ZNF420: variants seen among roughly 807,000 people sequenced by gnomAD.
ZNF420 encodes ATM and p53-associated KZNF protein.
ZNF420 carries 31 observed loss-of-function variants against 44.7 expected under a neutral mutation model. That is an observed-to-expected ratio of 0.69 (90% CI 0.52 to 0.94). The LOEUF (loss-of-function observed/expected upper bound fraction) is 0.94, where lower values mean the gene tolerates loss of function less well. Among genes scored for constraint, ZNF420 ranks in the 40% least tolerant of loss-of-function variants. ZNF420 has a pLI of 0.00. For synonymous variants in ZNF420, 245 were observed against 267.4 expected, an observed-to-expected ratio of 0.92 and a Z score of 0.82; for missense variants, 681 against 827.9, an observed-to-expected ratio of 0.82 and a Z score of 2.18.
chr19:37,075,399 T>C (rs1599634422), upstream of ZNF420, among the ~76,000 whole-genome samples: 1 of 152,150 alleles, frequency 6.6e-6, no homozygotes. Context: ...CTATTGACTT[T>C]TATATTTTAA....
intron 1 of ZNF420, among the ~76,000 whole-genome samples, chr19:37,068,052 C>T (rs1041321148): frequency 2.6e-5 from 4 of 151,550 alleles, no homozygotes; most frequent in African/African-American, 9.7e-5. Flanking sequence ...GATATATAAC[C>T]AGATTATACC....
chr19:37,047,349 CCTT>C (rs1200506276), intron 1 of ZNF420, among the ~76,000 whole-genome samples: 1 of 152,170 alleles, frequency 6.6e-6, no homozygotes, highest in Non-Finnish European at 1.5e-5. Flanking sequence ...TGCCCTTCCT[CCTT>C]CTGCCATGTG....
chr19:37,068,097 T>C (rs1967999342), intron 1 of ZNF420, among the ~76,000 whole-genome samples: 2 of 152,152 alleles, frequency 1.3e-5, no homozygotes. Context: ...GAAACAATGC[T>C]TGGTGCTAAA....
At chr19:37,099,530 T>C (rs571113788) in intron 4 of ZNF420, among the ~76,000 whole-genome samples, 7 of 152,214 alleles carry the variant, frequency 4.6e-5, no homozygotes, top group Non-Finnish European at 5.9e-5. Flanking sequence ...TTATTTGTTT[T>C]TTTGCTGTTG....
At chr19:37,020,454 CTT>C (rs961923216) in intron 1 of ZNF420, among the ~76,000 whole-genome samples, 1 of 152,142 alleles carries the variant, frequency 6.6e-6, no homozygotes, top group Non-Finnish European at 1.5e-5. Context: ...TCCCTAAACC[CTT>C]AAATATCCTT....
intron 1 of ZNF420, among the ~76,000 whole-genome samples, chr19:37,041,225 C>T (rs1247253246): frequency 2.6e-5 from 4 of 151,264 alleles, no homozygotes; most frequent in South Asian, 2.1e-4. Flanking sequence ...GCAGGAGAAT[C>T]GCTTGAATCC....
intron 4 of ZNF420, among the ~76,000 whole-genome samples, chr19:37,117,847 A>G (rs922718553): frequency 4.6e-5 from 7 of 152,346 alleles, no homozygotes; most frequent in East Asian, 3.9e-4. Flanking sequence ...AGGAGCCGAC[A>G]CGATCAACTG....
At chr19:37,012,796 GTGTGTGTGTGTGTGTGTC>G (rs2074581418) in intron 1 of ZNF420, among the ~76,000 whole-genome samples, 2 of 148,078 alleles carry the variant, frequency 1.4e-5, no homozygotes, top group African/African-American at 4.9e-5. Flanking sequence ...GTGTGTGTGT[GTGTGTGTGTGTGTGTGTC>G]TCCCATTCTC....
chr19:37,008,488 C>T (rs1383998339), intron 1 of ZNF420, among the ~76,000 whole-genome samples: 3 of 152,154 alleles, frequency 2.0e-5, no homozygotes, highest in Non-Finnish European at 2.9e-5. Flanking sequence ...GGCAGCTTTT[C>T]TAGGATCAAG....
At chr19:37,064,883 A>G (rs187630159) in intron 1 of ZNF420, among the ~76,000 whole-genome samples, 75 of 152,322 alleles carry the variant, frequency 4.9e-4, no homozygotes, top group African/African-American at 1.4e-3. Context: ...GCGGAGTCAA[A>G]GGATTGAGAA....
chr19:37,058,962 G>A (rs1000264723), intron 1 of ZNF420, among the ~76,000 whole-genome samples: 1 of 152,170 alleles, frequency 6.6e-6, no homozygotes, highest in Non-Finnish European at 1.5e-5. Flanking sequence ...GTGGGTCAGC[G>A]AATTTTCAGC....
chr19:37,105,642 C>T lies in ZNF420; in HGVS notation c.136+14521C>T, dbSNP rs146115978. 5.3e-5 allele frequency among the ~76,000 whole-genome samples: 8 copies of T among 152,018 alleles called. No individual in the cohort carries two copies. In the South Asian group the frequency reaches 6.2e-4, roughly 12 times the overall value. On this transcript the variant is annotated intron_variant, in intron 4 of 4. Coordinates refer to ENST00000337995, the MANE Select transcript of ZNF420 (RefSeq NM_144689.5). The stretch of plus-strand genomic sequence containing the variant: ...TCATTGATTCAGTATGGCCATTTTA[C>T]GATATTGATTCTTCCTATCCATGAG...
At chr19:37,011,359 T>C (rs2074567642) in intron 1 of ZNF420, among the ~76,000 whole-genome samples, 1 of 152,206 alleles carries the variant, frequency 6.6e-6, no homozygotes. Flanking sequence ...TGGCCTTGGC[T>C]TCTAGGAAAG....
intron 1 of ZNF420, among the ~76,000 whole-genome samples, chr19:37,069,263 C>T (rs1321052406): frequency 6.6e-6 from 1 of 152,036 alleles, no homozygotes; most frequent in South Asian, 2.1e-4. Flanking sequence ...TCACTGCCCA[C>T]AAAAGTAGCT....
chr19:37,051,699 T>C (rs56306715), intron 1 of ZNF420, among the ~76,000 whole-genome samples: 49,454 of 151,956 alleles, frequency 0.33, 8,274 homozygotes, highest in Non-Finnish European at 0.35. Context: ...TTTTGAAGGG[T>C]TTTTTGTGTC....
intron 1 of ZNF420, among the ~76,000 whole-genome samples, chr19:37,021,189 A>G (rs754836179): frequency 6.6e-6 from 1 of 152,234 alleles, no homozygotes; most frequent in Non-Finnish European, 1.5e-5. Context: ...TGACTATTCA[A>G]CTCTATTATA....
intron 1 of ZNF420, among the ~76,000 whole-genome samples, chr19:37,022,875 C>T (rs140122925): frequency 4.1e-4 from 62 of 152,246 alleles, no homozygotes; most frequent in African/African-American, 1.4e-3. Context: ...CGGTGGCTCA[C>T]GCCTGTAATC....
intron 4 of ZNF420, among the ~76,000 whole-genome samples, chr19:37,125,840 C>G (rs1971316240): frequency 6.6e-6 from 1 of 152,224 alleles, no homozygotes; most frequent in Admixed American, 6.5e-5. Flanking sequence ...ACTTCAGACT[C>G]TGTCCAGATT....
In ZNF420 at chr19:37,129,896, T is replaced by G. The variant is rs957187396; in HGVS notation, c.*838T>G. The G allele has an allele frequency of 1.7e-6, 2 of 1,211,250 alleles. No individual in the cohort carries two copies. The highest frequency in any genetic ancestry group is 3.1e-5 in the African/African-American group (2 of 64,396). 75.0% of individuals were successfully genotyped at this position (1,211,250 alleles called of 1,614,324 possible). ...TTTTTTAAAAACTTGAATGTATTGC[T>G]TTTGAAGTAAACAAAATAACTGATA... On this transcript the variant is annotated 3_prime_UTR_variant, in exon 5 of 5. Transcript: ENST00000337995.
Sources: allele counts gnomAD v4.1 joint callset (sites outside exome capture counted in the v4.1 genomes callset), GRCh38; gene constraint gnomAD v4.1.1; transcripts MANE v1.5; gene names NCBI Gene and HGNC (gene_info 2026-07-23, HGNC 2026-07-21).